Variants in RBFOX1 observed in about 807,000 individuals in gnomAD.
The protein encoded by RBFOX1 is RNA binding protein fox-1 homolog 1.
Under a neutral mutation model 57.7 loss-of-function variants are expected in RBFOX1, and 8 were observed. The observed-to-expected ratio is 0.14, with a 90% CI of 0.08 to 0.25. RBFOX1 has a LOEUF of 0.25. Ranked by LOEUF, RBFOX1 falls within the 10% of genes least tolerant of loss-of-function variation. The pLI, the probability that RBFOX1 is intolerant of heterozygous loss-of-function variation, is 1.00. For missense variants in RBFOX1, 611 were observed against 548.5 expected (o/e 1.11, Z -1.14); for synonymous variants, 326 against 222.4 (o/e 1.47, Z -4.15).
At chr16:7,694,205 C>T (rs899852029) in intron 14 of RBFOX1, among the ~76,000 whole-genome samples, 2 of 152,182 alleles carry the variant, frequency 1.3e-5, no homozygotes, top group Admixed American at 1.3e-4. Flanking sequence ...TTGCTTTCAG[C>T]CTGCGAGGGA....
chr16:6,377,127 T>C (rs1274609657), intron 2 of RBFOX1, among the ~76,000 whole-genome samples: 1 of 151,736 alleles, frequency 6.6e-6, no homozygotes, highest in East Asian at 1.9e-4. Context: ...AATTAAAAAT[T>C]AGCTGAGCAC....
intron 4 of RBFOX1, among the ~76,000 whole-genome samples, chr16:7,496,879 G>C (rs532990396): frequency 6.6e-6 from 1 of 151,986 alleles, no homozygotes; most frequent in Non-Finnish European, 1.5e-5. Flanking sequence ...GACACAGAAT[G>C]GACTGAAAAA....
At chr16:7,018,787 TAA>T (rs141781801) in intron 3 of RBFOX1, among the ~76,000 whole-genome samples, 5 of 146,528 alleles carry the variant, frequency 3.4e-5, no homozygotes, top group African/African-American at 1.3e-4. Flanking sequence ...CTTAAAGTAT[TAA>T]AAAAAAAAAA....
At chr16:7,690,934 G>A (rs1429770522) in intron 14 of RBFOX1, among the ~76,000 whole-genome samples, 1 of 152,080 alleles carries the variant, frequency 6.6e-6, no homozygotes, top group Non-Finnish European at 1.5e-5. Context: ...GGCCACCAAA[G>A]CCAATCTGAT....
At chr16:7,473,207 A>G (rs1366367390) in intron 4 of RBFOX1, among the ~76,000 whole-genome samples, 3 of 151,988 alleles carry the variant, frequency 2.0e-5, no homozygotes, top group African/African-American at 4.8e-5. Context: ...GCAAAACGCC[A>G]TTTCTACTAA....
At chr16:5,752,409 A>G (rs2053241635) in intron 3 of RBFOX1, among the ~76,000 whole-genome samples, 1 of 152,216 alleles carries the variant, frequency 6.6e-6, no homozygotes, top group Admixed American at 6.5e-5. Flanking sequence ...ACAAACCTGC[A>G]CATGTATCCT....
intron 5 of RBFOX1, chr16:7,519,852 C>A: frequency 9.2e-6 from 4 of 433,910 alleles, no homozygotes; most frequent in Non-Finnish European, 6.1e-6. Flanking sequence ...CCACCTCATT[C>A]ATTTGGAGGC....
intron 4 of RBFOX1, among the ~76,000 whole-genome samples, chr16:7,189,407 C>T (rs949561580): frequency 8.4e-5 from 10 of 118,366 alleles, no homozygotes; most frequent in African/African-American, 3.3e-4. Context: ...GCCTGGGCGA[C>T]AGAGCGAGAC....
At chr16:6,391,696 A>T (rs1305526597) in intron 2 of RBFOX1, among the ~76,000 whole-genome samples, 3 of 152,156 alleles carry the variant, frequency 2.0e-5, no homozygotes, top group Non-Finnish European at 2.9e-5. Flanking sequence ...CTGTAGGCAG[A>T]TATGATTTGG....
At chr16:6,916,813 A>G (rs769273208) in intron 3 of RBFOX1, among the ~76,000 whole-genome samples, 5 of 152,050 alleles carry the variant, frequency 3.3e-5, no homozygotes, top group Non-Finnish European at 7.4e-5. Flanking sequence ...CGAAGTTTGA[A>G]TTTGTACCTT....
chr16:7,338,924 G>C (rs888297899), intron 4 of RBFOX1, among the ~76,000 whole-genome samples: 1 of 152,206 alleles, frequency 6.6e-6, no homozygotes, highest in African/African-American at 2.4e-5. Context: ...GATTGGGAAA[G>C]ACATCAGCAT....
At chr16:6,049,961 T>TTG (rs1227750114) in intron 1 of RBFOX1, among the ~76,000 whole-genome samples, 1 of 151,418 alleles carries the variant, frequency 6.6e-6, no homozygotes, top group Non-Finnish European at 1.5e-5. Context: ...AAAACGTTTT[T>TTG]TTTTTTTTTT....
intron 2 of RBFOX1, among the ~76,000 whole-genome samples, chr16:5,565,435 G>A (rs945547156): frequency 6.6e-6 from 1 of 152,034 alleles, no homozygotes; most frequent in Admixed American, 6.6e-5. Context: ...AAAGCAGCCT[G>A]ACCAACATAG....
chr16:6,982,299 C>T (rs2153592326), intron 3 of RBFOX1, among the ~76,000 whole-genome samples: 1 of 152,250 alleles, frequency 6.6e-6, no homozygotes, highest in East Asian at 1.9e-4. Context: ...CTACATTATT[C>T]CATTTTGATC....
chr16:6,326,049 T>C (rs1184261975), intron 2 of RBFOX1, among the ~76,000 whole-genome samples: 1 of 152,196 alleles, frequency 6.6e-6, no homozygotes, highest in African/African-American at 2.4e-5. Flanking sequence ...TGCATATGCA[T>C]TGGCAGAAAA....
At chr16:6,006,801 T>A (rs1462941236) in intron 4 of RBFOX1, among the ~76,000 whole-genome samples, 1 of 151,954 alleles carries the variant, frequency 6.6e-6, no homozygotes, top group Non-Finnish European at 1.5e-5. Flanking sequence ...ATACAATGAG[T>A]GGAAATGAGG....
intron 4 of RBFOX1, among the ~76,000 whole-genome samples, chr16:7,386,219 A>C (rs1040567554): frequency 6.6e-6 from 1 of 152,078 alleles, no homozygotes; most frequent in Non-Finnish European, 1.5e-5. Context: ...TTTCCTTCTC[A>C]CTAAAGTGCT....
chr16:6,592,022 T>C (rs1443139790), intron 2 of RBFOX1, among the ~76,000 whole-genome samples: 2 of 152,174 alleles, frequency 1.3e-5, no homozygotes, highest in Non-Finnish European at 2.9e-5. Context: ...CATATAGTTG[T>C]AAATATAAAA....
At chr16:7,307,579 G>A (rs1304329678) in intron 4 of RBFOX1, among the ~76,000 whole-genome samples, 2 of 152,236 alleles carry the variant, frequency 1.3e-5, no homozygotes, top group Admixed American at 6.5e-5. Context: ...TTACAGCTAC[G>A]ATTTCTTTTC....
Sources: gnomAD v4.1 joint callset for allele counts (sites outside exome capture counted in the v4.1 genomes callset) on GRCh38, gnomAD v4.1.1 for gene constraint, MANE v1.5 for transcripts, NCBI Gene and HGNC (gene_info 2026-07-23, HGNC 2026-07-21) for gene names.